The following KLHL29 variants were observed in gnomAD, a reference collection of about 807,000 sequenced individuals.
KLHL29 encodes the protein kelch like family member 29, also known as kelch-like protein 29.
KLHL29 carries 21 observed loss-of-function variants against 80.4 expected under a neutral mutation model. That is an observed-to-expected ratio of 0.26 (90% CI 0.19 to 0.38). The LOEUF is 0.38. Among genes scored for constraint, KLHL29 ranks in the 10% least tolerant of loss-of-function variants. KLHL29 has a pLI of 1.00. For missense variants in KLHL29, 867 were observed against 1,223.9 expected (o/e 0.71, Z 4.35); for synonymous variants, 511 against 526.8 (o/e 0.97, Z 0.41).
At chr2:23,571,140 AAC>A (rs1667707826) in intron 3 of KLHL29, among the ~76,000 whole-genome samples, 2 of 152,224 alleles carry the variant, frequency 1.3e-5, no homozygotes, top group Admixed American at 6.5e-5. Context: ...TACAGATGAA[AAC>A]ACACCCAGTT....
chr2:23,708,097 T>G lies in KLHL29; in HGVS notation c.*1433T>G, dbSNP rs1439860107. Reference sequence around the variant, plus strand: ...GCCATCGTTTCATGATAACAACCATTTATAAGAGAAAAAGACAGGACACGC... The same window carrying G: ...GCCATCGTTTCATGATAACAACCATGTATAAGAGAAAAAGACAGGACACGC... On this transcript the variant is annotated 3_prime_UTR_variant, in exon 14 of 14. Coordinates refer to ENST00000486442, the MANE Select transcript of KLHL29 (RefSeq NM_052920.2). 2.0e-5 allele frequency: 3 copies of G among 152,194 alleles called. No homozygotes were observed. Among genetic ancestry groups the G allele is most frequent in the Non-Finnish European group, 2.9e-5 (2 of 68,032 alleles). 9.4% of individuals were successfully genotyped at this position (152,194 alleles called of 1,614,324 possible).
intron 7 of KLHL29, 25 bp downstream of exon 7, chr2:23,691,901 G>A (rs979850233): frequency 1.1e-5 from 17 of 1,543,924 alleles, no homozygotes; most frequent in East Asian, 4.9e-5. Context: ...CACATATGTC[G>A]CTTGGGGGGA....
chr2:23,654,622 G>A (rs944461902), intron 5 of KLHL29, among the ~76,000 whole-genome samples: 3 of 149,726 alleles, frequency 2.0e-5, no homozygotes, highest in Non-Finnish European at 3.0e-5. Flanking sequence ...GGCTGGGGTC[G>A]GGAGTGCCAT....
Position 23,693,370 on chromosome 2 carries a change from A to G in KLHL29, c.1384A>G (p.Ile462Val), listed in dbSNP as rs957288288. The G allele has an allele frequency of 6.4e-7, 1 of 1,551,648 alleles. No homozygotes were observed. The highest frequency in any genetic ancestry group is 2.4e-5 in the East Asian group (1 of 40,892). Residue 462 changes from isoleucine (I) to valine (V), a missense_variant, in exon 8 of 14, where the codon ATC (isoleucine) becomes GTC (valine). By Grantham distance (29) the Ile-to-Val change is conservative (BLOSUM62 3). Coordinates refer to ENST00000486442, the MANE Select transcript of KLHL29 (RefSeq NM_052920.2). ...CATGGCCAAGGCCTTCGCGCTGCAG[A>G]TCTTCCCCGAGGTGGCCGCCCAGGA... ...YHMAKAFALQ[I>V]FPEVAAQEEI...
intron 2 of KLHL29, among the ~76,000 whole-genome samples, chr2:23,560,223 G>C (rs1032459602): frequency 1.3e-5 from 2 of 150,756 alleles, no homozygotes; most frequent in African/African-American, 4.9e-5. Flanking sequence ...GATCAAAAGG[G>C]AATGGATTTT....
chr2:23,672,237 C>T (rs115667927), intron 5 of KLHL29: 5,340 of 152,518 alleles, frequency 0.035, 109 homozygotes, highest in South Asian at 0.09. Context: ...TGGGCCCCCA[C>T]AGTGACATGG....
intron 1 of KLHL29, among the ~76,000 whole-genome samples, chr2:23,436,779 T>C (rs1663358154): frequency 6.6e-6 from 1 of 152,234 alleles, no homozygotes; most frequent in African/African-American, 2.4e-5. Flanking sequence ...TTTAAGCCCA[T>C]GTCTTGCTAG....
chr2:23,456,274 G>C (rs1415565405), intron 1 of KLHL29, among the ~76,000 whole-genome samples: 1 of 152,202 alleles, frequency 6.6e-6, no homozygotes, highest in East Asian at 1.9e-4. Flanking sequence ...AGGCAGAGAA[G>C]ACTGCCGGCC....
chr2:23,493,925 C>G (rs896118268), intron 2 of KLHL29, among the ~76,000 whole-genome samples: 7 of 152,088 alleles, frequency 4.6e-5, no homozygotes, highest in African/African-American at 1.7e-4. Context: ...TTAAACTGCT[C>G]AAAATTCCAG....
chr2:23,522,902 T>G (rs990662797), intron 2 of KLHL29, among the ~76,000 whole-genome samples: 2 of 152,216 alleles, frequency 1.3e-5, no homozygotes, highest in Admixed American at 1.3e-4. Context: ...TGTGCAGATG[T>G]GAGGACCTGC....
chr2:23,477,165 G>A (rs1323431974), intron 2 of KLHL29, among the ~76,000 whole-genome samples: 5 of 152,232 alleles, frequency 3.3e-5, no homozygotes, highest in Non-Finnish European at 7.3e-5. Context: ...AGCAGCCCCG[G>A]GACTGCTGTA....
At chr2:23,513,359 A>G (rs1043608135) in intron 2 of KLHL29, among the ~76,000 whole-genome samples, 1 of 152,164 alleles carries the variant, frequency 6.6e-6, no homozygotes, top group Admixed American at 6.5e-5. Flanking sequence ...TGAATTACCC[A>G]TATGGGATCT....
Position 23,619,068 on chromosome 2 carries a change from C to T in KLHL29, c.286-20071C>T, listed in dbSNP as rs143843200. ...ACAGGCCTGGCAGCCACAGGCCCCT[C>T]GGCCCAGGGAAAGGCAGCCTCTCTG... On this transcript the variant is annotated intron_variant, in intron 3 of 13. Coordinates refer to ENST00000486442, the MANE Select transcript of KLHL29 (RefSeq NM_052920.2). Among the ~76,000 whole-genome samples the T allele has an allele frequency of 4.8e-4, 73 of 152,362 alleles. 1 individual carries two copies. Among genetic ancestry groups the T allele is most frequent in the East Asian group, 1.5e-3 (8 of 5,186 alleles).
chr2:23,638,085 T>TAAAAAAAAAAAAAAAAAA (rs553356362), intron 3 of KLHL29, among the ~76,000 whole-genome samples: 15 of 111,550 alleles, frequency 1.3e-4, no homozygotes, highest in East Asian at 2.6e-4. Flanking sequence ...ATGGCCATAG[T>TAAAAAAAAAAAAAAAAAA]AAAAAAAAAA....
chr2:23,653,024 C>T (rs1424623911), intron 5 of KLHL29, among the ~76,000 whole-genome samples: 1 of 152,110 alleles, frequency 6.6e-6, no homozygotes, highest in Non-Finnish European at 1.5e-5. Context: ...CCTACCCTAC[C>T]CCCATGCCCC....
At chr2:23,486,363 C>T (rs1255213531) in intron 2 of KLHL29, among the ~76,000 whole-genome samples, 2 of 151,954 alleles carry the variant, frequency 1.3e-5, no homozygotes, top group Non-Finnish European at 1.5e-5. Flanking sequence ...GGGCTTATCC[C>T]TCCCACGATT....
At chr2:23,627,676 C>T (rs1296377998) in intron 3 of KLHL29, among the ~76,000 whole-genome samples, 2 of 152,052 alleles carry the variant, frequency 1.3e-5, no homozygotes, top group African/African-American at 4.8e-5. Flanking sequence ...CTGCCGCGTC[C>T]CCTCTCTTGT....
chr2:23,410,831 G>A (rs962229048), intron 1 of KLHL29, among the ~76,000 whole-genome samples: 3 of 151,950 alleles, frequency 2.0e-5, no homozygotes, highest in South Asian at 2.1e-4. Flanking sequence ...CGTCTAAAGC[G>A]TCCCATCTGT....
At chr2:23,498,995 C>T (rs1041165635) in intron 2 of KLHL29, among the ~76,000 whole-genome samples, 14 of 152,262 alleles carry the variant, frequency 9.2e-5, no homozygotes, top group South Asian at 2.1e-4. Flanking sequence ...TCCCTGCGAC[C>T]GATCACGTTT....
Sources: allele counts gnomAD v4.1 joint callset (sites outside exome capture counted in the v4.1 genomes callset), GRCh38; gene constraint gnomAD v4.1.1; transcripts MANE v1.5; gene names NCBI Gene and HGNC (gene_info 2026-07-23, HGNC 2026-07-21).